The following GRID2 variants were observed in gnomAD, a reference collection of about 807,000 sequenced individuals.
GRID2 encodes the protein glutamate ionotropic receptor delta type subunit 2.
Under a neutral mutation model 114.8 loss-of-function variants are expected in GRID2, and 33 were observed. The ratio of observed to expected loss-of-function variants is 0.29; its 90% CI spans 0.22 to 0.38. The LOEUF is 0.38. Among genes scored for constraint, GRID2 ranks in the 10% least tolerant of loss-of-function variants. GRID2 has a pLI of 1.00. For missense variants in GRID2, 1,184 were observed against 1,257.7 expected, an observed-to-expected ratio of 0.94 and a Z score of 0.89; for synonymous variants, 505 against 449.9, an observed-to-expected ratio of 1.12 and a Z score of -1.55.
At chr4:92,632,680 G>A (rs2149247155) in intron 2 of GRID2, among the ~76,000 whole-genome samples, 1 of 151,484 alleles carries the variant, frequency 6.6e-6, no homozygotes, top group African/African-American at 2.4e-5. Context: ...AGAAAGGAAA[G>A]GAAGGGAAGA....
chr4:92,882,729 G>A (rs1393199232), intron 2 of GRID2, among the ~76,000 whole-genome samples: 1 of 152,138 alleles, frequency 6.6e-6, no homozygotes, highest in African/African-American at 2.4e-5. Context: ...CCCAGTGCAT[G>A]TGCATATAAA....
At chr4:92,914,544 AC>A (rs2149494259) in intron 2 of GRID2, among the ~76,000 whole-genome samples, 1 of 152,168 alleles carries the variant, frequency 6.6e-6, no homozygotes, top group East Asian at 1.9e-4. Context: ...ATCATTAGTT[AC>A]TTTTCCTGAT....
At chr4:93,161,860 CT>C (rs1352329443) in intron 4 of GRID2, among the ~76,000 whole-genome samples, 1 of 151,534 alleles carries the variant, frequency 6.6e-6, no homozygotes. Flanking sequence ...TTCTTTTATA[CT>C]TTAAGTTTTT....
intron 2 of GRID2, among the ~76,000 whole-genome samples, chr4:93,067,500 C>T (rs979562961): frequency 2.0e-5 from 3 of 151,974 alleles, no homozygotes; most frequent in Admixed American, 1.3e-4. Flanking sequence ...GAAGTTATTT[C>T]ATCAGGTTAT....
intron 2 of GRID2, among the ~76,000 whole-genome samples, chr4:93,021,042 A>G (rs995018625): frequency 5.3e-5 from 8 of 151,988 alleles, no homozygotes; most frequent in African/African-American, 1.7e-4. Context: ...CAAAAAAAAA[A>G]AAAGAGAAAG....
intron 13 of GRID2, among the ~76,000 whole-genome samples, chr4:93,620,424 T>A (rs1742106144): frequency 1.3e-5 from 2 of 152,146 alleles, no homozygotes; most frequent in African/African-American, 4.8e-5. Context: ...AAATCAAAAT[T>A]GGTGAGATAA....
chr4:93,500,922 T>A (rs1232392717), intron 12 of GRID2, among the ~76,000 whole-genome samples: 1 of 152,024 alleles, frequency 6.6e-6, no homozygotes, highest in Non-Finnish European at 1.5e-5. Flanking sequence ...TGTCTCCCTT[T>A]TTTGAACCAC....
chr4:93,351,330 A>G (rs1313312799), intron 8 of GRID2, among the ~76,000 whole-genome samples: 3 of 152,072 alleles, frequency 2.0e-5, no homozygotes, highest in Non-Finnish European at 4.4e-5. Context: ...GTGACAGCAC[A>G]CAGACAGTTG....
chr4:93,683,456 T>A (rs1161529929), intron 14 of GRID2, among the ~76,000 whole-genome samples: 2 of 152,120 alleles, frequency 1.3e-5, no homozygotes, highest in African/African-American at 4.8e-5. Context: ...AAAATATTCC[T>A]ATACTCTGCT....
At chr4:92,954,694 C>T (rs1752265783) in intron 2 of GRID2, among the ~76,000 whole-genome samples, 1 of 145,908 alleles carries the variant, frequency 6.9e-6, no homozygotes. Flanking sequence ...ATACATGTGC[C>T]ATGCTGGTGC....
At chr4:93,293,972 G>T (rs1754017459) in intron 8 of GRID2, among the ~76,000 whole-genome samples, 2 of 152,174 alleles carry the variant, frequency 1.3e-5, no homozygotes, top group African/African-American at 2.4e-5. Flanking sequence ...ATCACAGACG[G>T]CGATTATGCT....
chr4:93,340,731 G>C (rs981210048), intron 8 of GRID2, among the ~76,000 whole-genome samples: 1 of 152,132 alleles, frequency 6.6e-6, no homozygotes, highest in Non-Finnish European at 1.5e-5. Context: ...CTAATGTCCC[G>C]AAGATGAAAG....
chr4:93,379,419 T>A (rs929783748), intron 8 of GRID2, among the ~76,000 whole-genome samples: 8 of 152,086 alleles, frequency 5.3e-5, no homozygotes, highest in Non-Finnish European at 8.8e-5. Context: ...TAGCTTATGC[T>A]GTCCCTTCCA....
chr4:92,908,888 A>G (rs1748163109), intron 2 of GRID2, among the ~76,000 whole-genome samples: 1 of 152,162 alleles, frequency 6.6e-6, no homozygotes, highest in Non-Finnish European at 1.5e-5. Context: ...CTGTCCTTAT[A>G]TCTTCATCAA....
At chr4:92,762,940 C>T (rs1738089333) in intron 2 of GRID2, among the ~76,000 whole-genome samples, 1 of 152,268 alleles carries the variant, frequency 6.6e-6, no homozygotes, top group South Asian at 2.1e-4. Flanking sequence ...GACACAGTTT[C>T]TTCCCCATCT....
intron 13 of GRID2, among the ~76,000 whole-genome samples, chr4:93,613,920 G>A (rs927147773): frequency 1.8e-4 from 27 of 151,572 alleles, no homozygotes; most frequent in African/African-American, 4.8e-4. Flanking sequence ...CCTAGTTGCC[G>A]CCTTGCAGTT....
chr4:93,087,511 A>G (rs1730436259), intron 3 of GRID2, among the ~76,000 whole-genome samples: 1 of 152,162 alleles, frequency 6.6e-6, no homozygotes. Context: ...TTGAAAATAT[A>G]TACTAAATAA....
intron 14 of GRID2, among the ~76,000 whole-genome samples, chr4:93,709,563 T>G (rs1211364707): frequency 6.6e-6 from 1 of 152,214 alleles, no homozygotes; most frequent in East Asian, 1.9e-4. Context: ...GGTAGTATTC[T>G]TTGGGTTAAA....
intron 1 of GRID2, among the ~76,000 whole-genome samples, chr4:92,419,731 A>G (rs1400067159): frequency 6.6e-6 from 1 of 152,060 alleles, no homozygotes. Flanking sequence ...CTTCCTTTTT[A>G]CCTTAAAAAC....
Sources: gnomAD v4.1 joint callset for allele counts (sites outside exome capture counted in the v4.1 genomes callset) on GRCh38, gnomAD v4.1.1 for gene constraint, MANE v1.5 for transcripts, NCBI Gene and HGNC (gene_info 2026-07-23, HGNC 2026-07-21) for gene names.